The following TNNI3K variants were observed in gnomAD, a reference collection of about 807,000 sequenced individuals.
TNNI3K encodes serine/threonine-protein kinase TNNI3K.
In TNNI3K, 140 loss-of-function variants were observed where a neutral mutation model predicts 114.5. The ratio of observed to expected loss-of-function variants is 1.22; its 90% CI spans 1.07 to 1.41. TNNI3K has a LOEUF of 1.41. TNNI3K is among the 40% of genes most tolerant of loss of function. The pLI is 0.00. For missense variants in TNNI3K, 1,125 were observed against 1,007.6 expected (o/e 1.12, Z -1.58); for synonymous variants, 347 against 347.5 (o/e 1.00, Z 0.02).
intron 17 of TNNI3K, among the ~76,000 whole-genome samples, chr1:74,416,758 G>C (rs1250061009): frequency 1.3e-5 from 2 of 151,844 alleles, no homozygotes; most frequent in Non-Finnish European, 2.9e-5. Flanking sequence ...CAATCTTTTA[G>C]AAAAATGTTT....
In TNNI3K at chr1:74,544,078, C is replaced by A; in HGVS notation, c.*96C>A. ...TGGCTTCCAACTATAACATTTTACTCTCAAAGGTCTCCTTAAATTGGGCTT... is the reference window on the plus strand; with the variant it reads ...TGGCTTCCAACTATAACATTTTACTATCAAAGGTCTCCTTAAATTGGGCTT... On this transcript the variant is annotated 3_prime_UTR_variant, in exon 25 of 25. Transcript: ENST00000326637. The A allele has an allele frequency of 1.5e-6, 2 of 1,324,794 alleles. No homozygotes were observed. Among genetic ancestry groups the A allele is most frequent in the Non-Finnish European group, 2.1e-6 (2 of 969,458 alleles). The allele number at this position is 1,324,794 out of a possible 1,614,324, so 82.1% of individuals were successfully genotyped here.
At position 74,236,100 on chromosome 1, in the gene TNNI3K, A is replaced by G. The variant is rs1039935382; in HGVS notation, c.41-2A>G. ...TCAATCTCATTTGTTCTTCTTTACT[A>G]GATGAATGGAAGAAAAAAGTCAGTG... On this transcript the variant is annotated splice_acceptor_variant, in intron 1 of 24. Coordinates refer to ENST00000326637, the MANE Select transcript of TNNI3K (RefSeq NM_015978.3). LOFTEE classifies it high-confidence loss of function. The G allele has an allele frequency of 3.1e-5, 49 of 1,603,128 alleles. No individual in the cohort carries two copies. Among genetic ancestry groups the G allele is most frequent in the Non-Finnish European group, 4.0e-5 (47 of 1,173,254 alleles).
chr1:74,359,677 A>C (rs1661852080), intron 11 of TNNI3K, among the ~76,000 whole-genome samples: 1 of 152,090 alleles, frequency 6.6e-6, no homozygotes, highest in Non-Finnish European at 1.5e-5. Flanking sequence ...ATGCAAATAC[A>C]TAAAACAATA....
chr1:74,293,061 T>A (rs1657778073), intron 5 of TNNI3K, among the ~76,000 whole-genome samples: 1 of 151,708 alleles, frequency 6.6e-6, no homozygotes. Context: ...ATACTGTTAT[T>A]TTAAGACTTC....
chr1:74,277,820 T>C (rs181925680), intron 5 of TNNI3K, among the ~76,000 whole-genome samples: 15 of 152,322 alleles, frequency 9.8e-5, no homozygotes, highest in Non-Finnish European at 2.1e-4. Flanking sequence ...ATATACACCT[T>C]GTGAAGGTGA....
intron 5 of TNNI3K, among the ~76,000 whole-genome samples, chr1:74,311,352 A>G (rs1658985272): frequency 6.6e-6 from 1 of 152,160 alleles, no homozygotes; most frequent in African/African-American, 2.4e-5. Flanking sequence ...AAAATCTGTC[A>G]TATACAGTGA....
chr1:74,289,484 G>GAATTACATTCC, intron 5 of TNNI3K, among the ~76,000 whole-genome samples: 1 of 65,314 alleles, frequency 1.5e-5, no homozygotes, highest in African/African-American at 5.4e-5. Flanking sequence ...CCCATAGGTA[G>GAATTACATTCC]TGTCATTAGT....
In TNNI3K at chr1:74,444,404, C is replaced by G. The variant is rs1666533778; in HGVS notation, c.2011+4782C>G. On this transcript the variant is annotated intron_variant, in intron 20 of 24. Coordinates refer to ENST00000326637, the MANE Select transcript of TNNI3K (RefSeq NM_015978.3). ...CACCAACAATAGACAAGAAGAGAGG[C>G]AAATTGTGAATGAACCTCTCACTCA... Among the ~76,000 whole-genome samples the G allele has an allele frequency of 2.0e-5, 3 of 151,732 alleles. No individual in the cohort carries two copies. In the South Asian group the frequency reaches 6.2e-4, roughly 32 times the overall value.
intron 19 of TNNI3K, among the ~76,000 whole-genome samples, chr1:74,437,389 C>T (rs1210955509): frequency 6.6e-6 from 1 of 151,996 alleles, no homozygotes; most frequent in African/African-American, 2.4e-5. Context: ...GGGATAAATA[C>T]TGGACAAATT....
chr1:74,508,466 C>A (rs1670019040), intron 23 of TNNI3K, among the ~76,000 whole-genome samples: 1 of 152,116 alleles, frequency 6.6e-6, no homozygotes, highest in South Asian at 2.1e-4. Flanking sequence ...GTGGCAAATG[C>A]CTGATGTAGG....
intron 17 of TNNI3K, chr1:74,374,118 A>G (rs1215697922): frequency 1.3e-5 from 2 of 151,976 alleles, no homozygotes; most frequent in African/African-American, 4.8e-5. Context: ...GACAAAGGAA[A>G]AAGAGTCTAT....
chr1:74,481,212 C>A (rs552068296), intron 21 of TNNI3K, among the ~76,000 whole-genome samples: 1 of 152,194 alleles, frequency 6.6e-6, no homozygotes, highest in Non-Finnish European at 1.5e-5. Flanking sequence ...AACATAAACC[C>A]ATCTGTTACT....
intron 24 of TNNI3K, chr1:74,541,404 C>A (rs1646725106): frequency 6.6e-6 from 1 of 152,140 alleles, no homozygotes; most frequent in East Asian, 1.9e-4. Context: ...CAGATGAGTG[C>A]TTTTTATCAT....
chr1:74,494,735 C>T (rs1385724178), intron 23 of TNNI3K, among the ~76,000 whole-genome samples: 11 of 152,174 alleles, frequency 7.2e-5, no homozygotes, highest in Admixed American at 7.2e-4. Flanking sequence ...AGCTCAATGA[C>T]CTTGTCAAGT....
At chr1:74,337,003 C>A (rs1041896489) in intron 7 of TNNI3K, among the ~76,000 whole-genome samples, 2 of 151,200 alleles carry the variant, frequency 1.3e-5, no homozygotes, top group Non-Finnish European at 3.0e-5. Flanking sequence ...ACATCCTCTC[C>A]AGCACCTGTT....
chr1:74,378,248 A>C (rs908566988), intron 17 of TNNI3K, among the ~76,000 whole-genome samples: 10 of 152,018 alleles, frequency 6.6e-5, no homozygotes, highest in Admixed American at 3.9e-4. Flanking sequence ...ATTCAATTTT[A>C]TTACTGCTTT....
chr1:74,444,997 C>T (rs1355249279), intron 20 of TNNI3K, among the ~76,000 whole-genome samples: 2 of 152,116 alleles, frequency 1.3e-5, no homozygotes, highest in East Asian at 3.9e-4. Flanking sequence ...AAAACTGAAG[C>T]TGGACCCCTT....
At chr1:74,523,708 G>T (rs1646465471) in intron 23 of TNNI3K, among the ~76,000 whole-genome samples, 1 of 152,158 alleles carries the variant, frequency 6.6e-6, no homozygotes, top group Non-Finnish European at 1.5e-5. Context: ...CCTATTTGTT[G>T]GTAATTGCTA....
chr1:74,368,367 C>A (rs938933533), intron 13 of TNNI3K, among the ~76,000 whole-genome samples: 13 of 151,796 alleles, frequency 8.6e-5, no homozygotes, highest in Non-Finnish European at 1.3e-4. Context: ...ATGCTTCACA[C>A]AGAAATGAAT....
Sources: gnomAD v4.1 joint callset for allele counts (sites outside exome capture counted in the v4.1 genomes callset) on GRCh38, gnomAD v4.1.1 for gene constraint, MANE v1.5 for transcripts, NCBI Gene and HGNC (gene_info 2026-07-23, HGNC 2026-07-21) for gene names.